Variants in PUDP observed in about 807,000 individuals in gnomAD.
PUDP encodes the protein pseudouridine 5'-phosphatase.
A neutral mutation model predicts 9.4 loss-of-function variants in PUDP; 8 were observed. The ratio of observed to expected loss-of-function variants is 0.85; its 90% CI spans 0.50 to 1.53. PUDP has a LOEUF of 1.53. Among genes scored for constraint, PUDP ranks in the 40% most tolerant of loss-of-function variants. The probability of loss-of-function intolerance (pLI) is 0.00; values close to 1 mark genes in which losing one functional copy is unlikely to be tolerated. For missense variants in PUDP, 188 were observed against 189.7 expected, an observed-to-expected ratio of 0.99 and a Z score of 0.05; for synonymous variants, 99 against 80.7, an observed-to-expected ratio of 1.23 and a Z score of -1.22.
intron 3 of PUDP, among the ~76,000 whole-genome samples, chrX:6,900,591 A>AAGAGAGAGAG (rs779020790): frequency 3.7e-5 from 3 of 80,184 alleles, no homozygotes; most frequent in Non-Finnish European, 8.6e-5. Context: ...GAGGGAGAGA[A>AAGAGAGAGAG]AGAGAGAGAG....
At chrX:6,902,086 G>A (rs770307326) in intron 3 of PUDP, among the ~76,000 whole-genome samples, 5 of 110,794 alleles carry the variant, frequency 4.5e-5, no homozygotes, top group Non-Finnish European at 7.6e-5. Context: ...GGGTCTCACT[G>A]TATTGCCCAG....
chrX:7,009,615 A>AATT lies in PUDP; in HGVS notation c.205-31275_205-31273dup, dbSNP rs781716048. 1.1e-4 allele frequency among the ~76,000 whole-genome samples: 12 copies of AATT among 111,110 alleles called. No homozygotes were observed. In the East Asian group the frequency reaches 3.4e-3, roughly 32 times the overall value. ...CATAGAATGCACTGGGTTTTTTTTT[A>AATT]ATTATTATTATTAGCAGCATCATTG... On this transcript the variant is annotated intron_variant and NMD_transcript_variant, in intron 1 of 3. Transcript: ENST00000655425.
At chrX:6,921,626 C>T (rs1290834170) in intron 3 of PUDP, among the ~76,000 whole-genome samples, 1 of 110,140 alleles carries the variant, frequency 9.1e-6, no homozygotes, top group Non-Finnish European at 1.9e-5. Context: ...ATGGCCATAC[C>T]CTAGACCTCA....
At chrX:6,976,012 G>A (rs1007823975) in intron 3 of PUDP, among the ~76,000 whole-genome samples, 2 of 111,931 alleles carry the variant, frequency 1.8e-5, no homozygotes, top group African/African-American at 3.2e-5. Flanking sequence ...GGGGAAAACC[G>A]CCTACTCAAG....
At chrX:6,868,034 G>T (rs1927116205) in intron 3 of PUDP, among the ~76,000 whole-genome samples, 1 of 111,260 alleles carries the variant, frequency 9.0e-6, no homozygotes, top group African/African-American at 3.3e-5. Flanking sequence ...TTCCAGCACT[G>T]GTTGCATTGG....
intron 3 of PUDP, among the ~76,000 whole-genome samples, chrX:6,752,046 G>C (rs1299647821): frequency 9.0e-6 from 1 of 111,171 alleles, no homozygotes; most frequent in Non-Finnish European, 1.9e-5. Context: ...GGCAGGTGGT[G>C]CTTTATTCTT....
At chrX:6,900,410 C>T (rs1055945525) in intron 3 of PUDP, among the ~76,000 whole-genome samples, 15 of 107,976 alleles carry the variant, frequency 1.4e-4, no homozygotes, top group Non-Finnish European at 2.3e-4. Context: ...GGATGCTCCC[C>T]GCCTCCAACT....
intron 3 of PUDP, among the ~76,000 whole-genome samples, chrX:6,769,840 T>C (rs1925335987): frequency 9.0e-6 from 1 of 111,636 alleles, no homozygotes. Context: ...GGCGAGAAAA[T>C]ATTAATATAA....
At chrX:6,994,107 A>G (rs911234778) in intron 1 of PUDP, among the ~76,000 whole-genome samples, 2 of 112,472 alleles carry the variant, frequency 1.8e-5, no homozygotes, top group Non-Finnish European at 3.8e-5. Context: ...GCAATGGAAA[A>G]CAATGAAGAA....
At chrX:6,960,753 A>G (rs1239070569) in intron 3 of PUDP, among the ~76,000 whole-genome samples, 1 of 111,825 alleles carries the variant, frequency 8.9e-6, no homozygotes, top group Non-Finnish European at 1.9e-5. Flanking sequence ...ATGCAGAGAC[A>G]GTAGCTTTAG....
chrX:6,917,176 G>A (rs1374294250), intron 3 of PUDP, among the ~76,000 whole-genome samples: 2 of 110,933 alleles, frequency 1.8e-5, no homozygotes, highest in African/African-American at 6.6e-5. Context: ...ACCAGCCTGG[G>A]CAACATAGTG....
At chrX:7,075,056 A>G (rs1030739444) in intron 3 of PUDP, among the ~76,000 whole-genome samples, 3 of 112,434 alleles carry the variant, frequency 2.7e-5, no homozygotes, top group African/African-American at 9.7e-5. Flanking sequence ...TAAAAACTAC[A>G]CACCTGGTTT....
chrX:6,876,974 C>CACACAT (rs538914519), intron 3 of PUDP, among the ~76,000 whole-genome samples: 123 of 107,317 alleles, frequency 1.1e-3, no homozygotes, highest in East Asian at 9.7e-3. Flanking sequence ...CACACACACA[C>CACACAT]ACATAACACT....
At chrX:6,751,158 GA>G (rs899996853) in intron 3 of PUDP, among the ~76,000 whole-genome samples, 1 of 104,489 alleles carries the variant, frequency 9.6e-6, no homozygotes, top group Non-Finnish European at 2.0e-5. Flanking sequence ...AGGAAAGAAA[GA>G]AAAAAGAAAG....
At chrX:6,956,029 G>A (rs878942982) in intron 3 of PUDP, among the ~76,000 whole-genome samples, 1 of 110,886 alleles carries the variant, frequency 9.0e-6, no homozygotes, top group Non-Finnish European at 1.9e-5. Flanking sequence ...TTCCTTTTCT[G>A]CCCATTCAAT....
chrX:6,802,866 C>T (rs1368669164), intron 3 of PUDP, among the ~76,000 whole-genome samples: 1 of 102,910 alleles, frequency 9.7e-6, no homozygotes, highest in African/African-American at 3.6e-5. Flanking sequence ...GACTGGGCAA[C>T]AAGAGCGAGA....
intron 3 of PUDP, among the ~76,000 whole-genome samples, chrX:6,961,474 T>A (rs1351593859): frequency 8.9e-6 from 1 of 111,890 alleles, no homozygotes; most frequent in Non-Finnish European, 1.9e-5. Flanking sequence ...CATTCATCCC[T>A]GTATTTGCAA....
intron 3 of PUDP, among the ~76,000 whole-genome samples, chrX:6,825,482 G>T (rs1926410869): frequency 9.0e-6 from 1 of 111,453 alleles, no homozygotes; most frequent in African/African-American, 3.3e-5. Context: ...CTGGCAGATG[G>T]TATAATATCA....
intron 3 of PUDP, among the ~76,000 whole-genome samples, chrX:6,737,183 G>A (rs1924882526): frequency 9.0e-6 from 1 of 111,201 alleles, no homozygotes; most frequent in African/African-American, 3.3e-5. Flanking sequence ...GATAAGGAAG[G>A]ATCCTCCCCT....
Sources: gnomAD v4.1 joint callset for allele counts (sites outside exome capture counted in the v4.1 genomes callset) on GRCh38, gnomAD v4.1.1 for gene constraint, MANE v1.5 for transcripts, NCBI Gene and HGNC (gene_info 2026-07-23, HGNC 2026-07-21) for gene names.